ROBO2: variants seen among roughly 807,000 people sequenced by gnomAD.
ROBO2 encodes the protein roundabout guidance receptor 2.
ROBO2 carries 53 observed loss-of-function variants against 160.8 expected under a neutral mutation model. That is an observed-to-expected ratio of 0.33 (90% CI 0.26 to 0.41). The LOEUF is 0.41. Among genes scored for constraint, ROBO2 ranks in the 10% least tolerant of loss-of-function variants. The pLI, the probability that ROBO2 is intolerant of heterozygous loss-of-function variation, is 1.00. For missense variants in ROBO2, 1,577 were observed against 1,722.4 expected, an observed-to-expected ratio of 0.92 and a Z score of 1.49; for synonymous variants, 664 against 611.7, an observed-to-expected ratio of 1.09 and a Z score of -1.26.
In ROBO2 at chr3:76,736,215, G is replaced by C. The variant is rs573627620; in HGVS notation, c.110-361799G>C. Among the ~76,000 whole-genome samples, 288 of 151,354 alleles carry C rather than the reference G, an allele frequency of 1.9e-3. 1 individual carries two copies. Among genetic ancestry groups the C allele is most frequent in the African/African-American group, 6.7e-3 (277 of 41,138 alleles). On this transcript the variant is annotated intron_variant, in intron 2 of 26. Coordinates refer to the ROBO2 transcript ENST00000487694. ...GAGAATGGGGGGAACCCGGGAGGCGGAGCTTGCAGTGAGCCGAGATCGCGT... is the reference window on the plus strand; with the variant it reads ...GAGAATGGGGGGAACCCGGGAGGCGCAGCTTGCAGTGAGCCGAGATCGCGT...
intron 2 of ROBO2, among the ~76,000 whole-genome samples, chr3:76,730,248 C>G (rs1576288104): frequency 8.6e-6 from 1 of 116,242 alleles, no homozygotes; most frequent in Non-Finnish European, 1.8e-5. Flanking sequence ...CTCCTACTCC[C>G]TACCCGCTTC....
intron 2 of ROBO2, among the ~76,000 whole-genome samples, chr3:76,122,433 A>G (rs1166854436): frequency 2.0e-5 from 3 of 152,002 alleles, no homozygotes; most frequent in African/African-American, 7.2e-5. Flanking sequence ...AAGGAGAGAG[A>G]TTTCAGTTTT....
At chr3:77,632,508 T>C in intron 23 of ROBO2, 1 of 1,535,526 alleles carries the variant, frequency 6.5e-7, no homozygotes, top group Non-Finnish European at 8.7e-7. Flanking sequence ...CTGCATCTGA[T>C]GAGGATCGTA....
chr3:77,593,238 A>G (rs1340944234), intron 17 of ROBO2, among the ~76,000 whole-genome samples: 1 of 151,952 alleles, frequency 6.6e-6, no homozygotes. Flanking sequence ...CACAAACTAG[A>G]AAGTCACATC....
At chr3:76,970,292 T>A (rs2059511482) in intron 2 of ROBO2, among the ~76,000 whole-genome samples, 1 of 152,176 alleles carries the variant, frequency 6.6e-6, no homozygotes, top group Non-Finnish European at 1.5e-5. Context: ...AAAGGAGATT[T>A]TAAGTAAATA....
intron 2 of ROBO2, among the ~76,000 whole-genome samples, chr3:76,701,717 AAT>A (rs2107463977): frequency 6.6e-6 from 1 of 152,172 alleles, no homozygotes; most frequent in African/African-American, 2.4e-5. Context: ...GATTAAAAGC[AAT>A]TTCTTTTATA....
At chr3:76,489,008 C>G (rs1399265900) in intron 2 of ROBO2, among the ~76,000 whole-genome samples, 1 of 148,976 alleles carries the variant, frequency 6.7e-6, no homozygotes. Flanking sequence ...TGCTTGAACC[C>G]CAGGAGGTGG....
intron 2 of ROBO2, among the ~76,000 whole-genome samples, chr3:76,135,127 G>T (rs573165009): frequency 2.6e-5 from 4 of 151,972 alleles, no homozygotes; most frequent in Non-Finnish European, 5.9e-5. Context: ...GGAGTGTGTG[G>T]GGCAAGATTC....
At chr3:77,021,791 C>G (rs937241264) in intron 2 of ROBO2, among the ~76,000 whole-genome samples, 6 of 152,062 alleles carry the variant, frequency 3.9e-5, no homozygotes, top group Admixed American at 1.3e-4. Flanking sequence ...TCTGATAAAT[C>G]AAATGAATTT....
At chr3:76,863,566 T>C (rs1032037820) in intron 2 of ROBO2, among the ~76,000 whole-genome samples, 1 of 152,112 alleles carries the variant, frequency 6.6e-6, no homozygotes, top group East Asian at 1.9e-4. Context: ...GATTCTAATG[T>C]AGTATTTATT....
chr3:77,384,812 T>C (rs958151124), intron 2 of ROBO2, among the ~76,000 whole-genome samples: 1 of 152,184 alleles, frequency 6.6e-6, no homozygotes, highest in Non-Finnish European at 1.5e-5. Flanking sequence ...TATTGTGATA[T>C]AGAAAATGGC....
intron 2 of ROBO2, among the ~76,000 whole-genome samples, chr3:76,793,721 T>G (rs2063513428): frequency 6.6e-6 from 1 of 151,874 alleles, no homozygotes; most frequent in Non-Finnish European, 1.5e-5. Flanking sequence ...AATAGTGAAT[T>G]CTTAATGAGT....
At chr3:76,316,286 A>T (rs537553943) in intron 2 of ROBO2, among the ~76,000 whole-genome samples, 1 of 152,282 alleles carries the variant, frequency 6.6e-6, no homozygotes, top group Non-Finnish European at 1.5e-5. Context: ...TCTCAACCGC[A>T]TAAGACAGAC....
intron 2 of ROBO2, among the ~76,000 whole-genome samples, chr3:76,108,197 A>G (rs751401947): frequency 2.6e-5 from 4 of 152,072 alleles, no homozygotes; most frequent in African/African-American, 4.8e-5. Flanking sequence ...CTTCCTGCGT[A>G]TGAGTTTAGG....
intron 2 of ROBO2, among the ~76,000 whole-genome samples, chr3:76,126,561 G>C (rs1221185050): frequency 2.0e-5 from 3 of 152,032 alleles, no homozygotes; most frequent in African/African-American, 7.2e-5. Context: ...TTCAAAACAT[G>C]TTCCTTAAAG....
intron 2 of ROBO2, among the ~76,000 whole-genome samples, chr3:76,364,643 TC>T (rs2075708770): frequency 6.6e-6 from 1 of 152,060 alleles, no homozygotes; most frequent in Non-Finnish European, 1.5e-5. Context: ...GAAGTTTTAT[TC>T]CTAGGAAATA....
At chr3:77,209,105 G>T (rs994037074) in intron 2 of ROBO2, among the ~76,000 whole-genome samples, 1 of 152,110 alleles carries the variant, frequency 6.6e-6, no homozygotes, top group Non-Finnish European at 1.5e-5. Context: ...TTTTTGTACA[G>T]ATATTCATCT....
chr3:76,573,699 G>A (rs1484444917), intron 2 of ROBO2, among the ~76,000 whole-genome samples: 2 of 151,804 alleles, frequency 1.3e-5, no homozygotes, highest in African/African-American at 4.8e-5. Flanking sequence ...TAAAATCTTT[G>A]ATGAGGGCTC....
intron 2 of ROBO2, among the ~76,000 whole-genome samples, chr3:77,301,740 C>T (rs181705358): frequency 4.6e-5 from 7 of 152,250 alleles, no homozygotes; most frequent in Admixed American, 2.6e-4. Context: ...TAGAAACTAA[C>T]GTTCAAATAT....
Sources: gnomAD v4.1 joint callset for allele counts (sites outside exome capture counted in the v4.1 genomes callset) on GRCh38, gnomAD v4.1.1 for gene constraint, MANE v1.5 for transcripts, NCBI Gene and HGNC (gene_info 2026-07-23, HGNC 2026-07-21) for gene names.